The following ZFHX3 variants were observed in gnomAD, a reference collection of about 807,000 sequenced individuals.
The protein encoded by ZFHX3 is zinc finger homeobox protein 3.
In ZFHX3, 42 loss-of-function variants were observed where a neutral mutation model predicts 279.1. The observed-to-expected ratio is 0.15, with a 90% CI of 0.12 to 0.19. The LOEUF is 0.19. ZFHX3 is among the 10% of genes least tolerant of loss of function. The pLI is 1.00. For synonymous variants in ZFHX3, 2,293 were observed against 1,957.8 expected, an observed-to-expected ratio of 1.17 and a Z score of -4.52; for missense variants, 4,981 against 4,754.0, an observed-to-expected ratio of 1.05 and a Z score of -1.40.
At chr16:72,888,729 C>A (rs1327087536) in intron 4 of ZFHX3, among the ~76,000 whole-genome samples, 1 of 152,142 alleles carries the variant, frequency 6.6e-6, no homozygotes, top group Non-Finnish European at 1.5e-5. Flanking sequence ...ACAGTCAGGC[C>A]CAGCAGGTCC....
chr16:73,483,201 C>T (rs1007791408), intron 2 of ZFHX3: 1 of 348,488 alleles, frequency 2.9e-6, no homozygotes, highest in Non-Finnish European at 5.6e-6. Context: ...GAAGAGAACG[C>T]GTGGGCCCCT....
chr16:73,432,024 T>C (rs921919732), intron 3 of ZFHX3, among the ~76,000 whole-genome samples: 1 of 152,134 alleles, frequency 6.6e-6, no homozygotes, highest in African/African-American at 2.4e-5. Context: ...AACTGCTGAG[T>C]TCTGAGTTCC....
At chr16:73,716,885 T>C (rs934807609) in intron 1 of ZFHX3, among the ~76,000 whole-genome samples, 1 of 152,088 alleles carries the variant, frequency 6.6e-6, no homozygotes, top group Admixed American at 6.5e-5. Context: ...GGCCAGTTTG[T>C]GAAGCCCCGT....
chr16:72,787,482 A>AG lies in ZFHX3; in HGVS notation c.10793dup (p.Pro3599SerfsTer67). On this transcript the variant is annotated frameshift_variant, in exon 10 of 10. Coordinates refer to ENST00000268489, the MANE Select transcript of ZFHX3 (RefSeq NM_006885.4). LOFTEE classifies it high-confidence loss of function. ...AGGAGGGGGCGGCGGCCGACGGGGG[A>AG]GGGGGGCTGTCGTTTGAGTGAGCGG... 8.8e-7 allele frequency: 1 copy of AG among 1,139,012 alleles called. No individual in the cohort carries two copies. The highest frequency in any genetic ancestry group is 1.1e-6 in the Non-Finnish European group (1 of 877,458). The allele number at this position is 1,139,012 out of a possible 1,614,324, so 70.6% of individuals were successfully genotyped here. A position where few individuals can be genotyped will look rare whatever the true frequency, so the allele number is the denominator to read the frequency against.
At chr16:72,906,060 C>T (rs1457145836) in intron 3 of ZFHX3, among the ~76,000 whole-genome samples, 1 of 151,918 alleles carries the variant, frequency 6.6e-6, no homozygotes, top group Non-Finnish European at 1.5e-5. Flanking sequence ...TCTCCAGCTA[C>T]GCCCAAACTC....
intron 1 of ZFHX3, among the ~76,000 whole-genome samples, chr16:72,990,313 T>C (rs1027498866): frequency 6.6e-6 from 1 of 152,186 alleles, no homozygotes; most frequent in Non-Finnish European, 1.5e-5. Context: ...CGCATTGTAC[T>C]TGTGAAGAGA....
intron 3 of ZFHX3, among the ~76,000 whole-genome samples, chr16:73,390,807 T>TC (rs1444575003): frequency 6.6e-6 from 1 of 151,654 alleles, no homozygotes; most frequent in Non-Finnish European, 1.5e-5. Context: ...CACCCACTTC[T>TC]CCCCCTGGTG....
chr16:72,784,276 CA>C lies in ZFHX3; in HGVS notation c.*2887del, dbSNP rs1202247199. ...TGAAAAAAAAAAACAAAAACAAAAA[CA>C]AAAACCCAAACCATCAGGGAGGGGG... is the stretch of plus-strand genomic sequence containing the variant. On this transcript the variant is annotated 3_prime_UTR_variant, in exon 10 of 10. Transcript: ENST00000268489. 1.3e-5 allele frequency: 2 copies of C among 148,322 alleles called. No homozygotes were observed. Among genetic ancestry groups the C allele is most frequent in the Non-Finnish European group, 3.0e-5 (2 of 66,944 alleles). 9.2% of individuals were successfully genotyped at this position (148,322 alleles called of 1,614,324 possible).
chr16:73,811,299 C>T lies in ZFHX3; in HGVS notation c.-1608+80352G>A, dbSNP rs370653646. 4.6e-5 allele frequency among the ~76,000 whole-genome samples: 7 copies of T among 152,280 alleles called. No individual in the cohort carries two copies. In the South Asian group the frequency reaches 1.5e-3, roughly 32 times the overall value. On this transcript the variant is annotated intron_variant, in intron 1 of 17. Transcript: ENST00000641206. ...CATCTGTATCTACCTTCGGCAAAGC[C>T]CCACTAGTCCTTCTTTCTGGGTGAT...
chr16:73,475,202 T>G lies in ZFHX3; in HGVS notation c.-1546-18944A>C, dbSNP rs139193322. 3.7e-3 allele frequency among the ~76,000 whole-genome samples: 558 copies of G among 152,358 alleles called. 4 individuals carry two copies. Among genetic ancestry groups the G allele is most frequent in the African/African-American group, 0.013 (536 of 41,590 alleles). ...AGATAGCGCTGGGAATAATCAAAAT[T>G]ACGTAATTTAAAATATTAGCGTATT... On this transcript the variant is annotated intron_variant, in intron 2 of 17. Transcript: ENST00000641206.
chr16:73,282,961 G>A (rs568831878), intron 4 of ZFHX3, among the ~76,000 whole-genome samples: 1 of 152,296 alleles, frequency 6.6e-6, no homozygotes, highest in East Asian at 1.9e-4. Context: ...TTAGGGAAAA[G>A]CCTGTTAGGG....
At chr16:73,629,120 C>G (rs1034409578) in intron 2 of ZFHX3, among the ~76,000 whole-genome samples, 1 of 152,202 alleles carries the variant, frequency 6.6e-6, no homozygotes, top group African/African-American at 2.4e-5. Flanking sequence ...AAATCTGTAT[C>G]AATAGCAAGC....
At chr16:72,876,921 G>C (rs182576522) in intron 4 of ZFHX3, among the ~76,000 whole-genome samples, 1 of 152,112 alleles carries the variant, frequency 6.6e-6, no homozygotes, top group Non-Finnish European at 1.5e-5. Flanking sequence ...CAATCCCAAG[G>C]GGAACAGAGA....
chr16:73,130,867 C>G, intron 7 of ZFHX3: 1 of 1,049,882 alleles, frequency 9.5e-7, no homozygotes, highest in Non-Finnish European at 1.2e-6. Context: ...CTCGGCCTCC[C>G]AAAGTGCTGG....
chr16:73,521,239 C>T (rs1035561324), intron 2 of ZFHX3, among the ~76,000 whole-genome samples: 1 of 152,152 alleles, frequency 6.6e-6, no homozygotes, highest in African/African-American at 2.4e-5. Flanking sequence ...GGTTCTGCCA[C>T]TTTCTTGTGG....
chr16:73,570,949 CA>C (rs71156173), intron 2 of ZFHX3, among the ~76,000 whole-genome samples: 12,348 of 142,000 alleles, frequency 0.087, 825 homozygotes, highest in African/African-American at 0.18. Flanking sequence ...CTTTTCTTCT[CA>C]AAAAAAAAAA....
intron 2 of ZFHX3, among the ~76,000 whole-genome samples, chr16:73,601,431 C>T (rs951000267): frequency 6.6e-6 from 1 of 150,500 alleles, no homozygotes; most frequent in African/African-American, 2.4e-5. Context: ...GATCACGCCG[C>T]TGCACTCCAG....
intron 1 of ZFHX3, among the ~76,000 whole-genome samples, chr16:73,781,806 G>C (rs1446265336): frequency 6.6e-6 from 1 of 152,160 alleles, no homozygotes; most frequent in Admixed American, 6.5e-5. Context: ...GACCAACATA[G>C]TGAAACCCCG....
chr16:72,980,309 A>G (rs1373495238), intron 1 of ZFHX3, among the ~76,000 whole-genome samples: 1 of 152,192 alleles, frequency 6.6e-6, no homozygotes, highest in East Asian at 1.9e-4. Flanking sequence ...AAGGAGGAGA[A>G]CTGTTCTAGA....
Sources: allele counts gnomAD v4.1 joint callset (sites outside exome capture counted in the v4.1 genomes callset), GRCh38; gene constraint gnomAD v4.1.1; transcripts MANE v1.5; gene names NCBI Gene and HGNC (gene_info 2026-07-23, HGNC 2026-07-21).